Variants in XRCC6 observed in about 807,000 individuals in gnomAD.
XRCC6 encodes X-ray repair cross complementing 6, also known as DNA repair protein Ku70.
XRCC6 carries 5 observed loss-of-function variants against 65.7 expected under a neutral mutation model. The ratio of observed to expected loss-of-function variants is 0.08; its 90% CI spans 0.04 to 0.16. The LOEUF (loss-of-function observed/expected upper bound fraction) is 0.16. XRCC6 is among the 10% of genes least tolerant of loss of function. The pLI is 1.00. For synonymous variants in XRCC6, 270 were observed against 270.6 expected, an observed-to-expected ratio of 1.00 and a Z score of 0.02; for missense variants, 447 against 738.1, an observed-to-expected ratio of 0.61 and a Z score of 4.57.
chr22:41,656,801 A>G, intron 9 of XRCC6, 102 bp from the exon 10 acceptor site: 1 of 1,539,918 alleles, frequency 6.5e-7, no homozygotes, highest in Non-Finnish European at 8.8e-7. Context: ...ACGGGGCCCC[A>G]GCCCCAGCAC....
At chr22:41,658,164 G>A (rs891488597) in intron 10 of XRCC6, 88 bp from the exon 11 acceptor site, 35 of 1,326,182 alleles carry the variant, frequency 2.6e-5, no homozygotes, top group Non-Finnish European at 2.8e-5. Context: ...GCTCACCCCG[G>A]ACCTGTAGTA....
intron 11 of XRCC6, among the ~76,000 whole-genome samples, chr22:41,659,957 A>G (rs1301879590): frequency 1.3e-5 from 2 of 152,192 alleles, no homozygotes; most frequent in Non-Finnish European, 1.5e-5. Context: ...AAGTGCTGGG[A>G]TTACAGGCAA....
At chr22:41,656,009 G>A (rs969581428) in intron 9 of XRCC6, among the ~76,000 whole-genome samples, 7 of 151,466 alleles carry the variant, frequency 4.6e-5, no homozygotes, top group African/African-American at 7.3e-5. Context: ...CAGGTGGATC[G>A]CCTGAGCCCA....
At chr22:41,642,735 A>T (rs991037029) in intron 6 of XRCC6, among the ~76,000 whole-genome samples, 9 of 152,236 alleles carry the variant, frequency 5.9e-5, no homozygotes, top group African/African-American at 9.6e-5. Context: ...ACAAAAAAAA[A>T]TAGTTACTTT....
chr22:41,637,305 G>A (rs534109001), intron 5 of XRCC6, among the ~76,000 whole-genome samples: 2 of 152,094 alleles, frequency 1.3e-5, no homozygotes, highest in South Asian at 4.2e-4. Flanking sequence ...GGCTGGTCTC[G>A]AACTCTGGAC....
chr22:41,633,496 C>G (rs1295571934), intron 3 of XRCC6, among the ~76,000 whole-genome samples: 1 of 151,954 alleles, frequency 6.6e-6, no homozygotes, highest in African/African-American at 2.4e-5. Context: ...CCTGCCTCAG[C>G]CTCCTGAGTA....
At chr22:41,640,522 C>T (rs1279989082) in intron 6 of XRCC6, among the ~76,000 whole-genome samples, 4 of 152,164 alleles carry the variant, frequency 2.6e-5, no homozygotes, top group Non-Finnish European at 5.9e-5. Flanking sequence ...TGGCCTCAAA[C>T]GTTCCTCCTC....
At chr22:41,651,630 C>T (rs138286004) in intron 8 of XRCC6, among the ~76,000 whole-genome samples, 80 of 151,046 alleles carry the variant, frequency 5.3e-4, no homozygotes, top group East Asian at 5.3e-3. Flanking sequence ...CTGGTTCAAA[C>T]GATTCTCCTT....
intron 2 of XRCC6, among the ~76,000 whole-genome samples, chr22:41,623,975 G>A (rs2067640538): frequency 6.6e-6 from 1 of 150,736 alleles, no homozygotes; most frequent in East Asian, 2.0e-4. Context: ...CACCCACCTC[G>A]GCCTCCCAAA....
chr22:41,653,514 C>A lies in XRCC6; in HGVS notation c.1130-15C>A. 6.4e-7 allele frequency: 1 copy of A among 1,559,132 alleles called. No individual in the cohort carries two copies. Among genetic ancestry groups the A allele is most frequent in the South Asian group, 1.2e-5 (1 of 83,804 alleles). On this transcript the variant is annotated splice_polypyrimidine_tract_variant and intron_variant, in intron 8 of 12. Transcript: ENST00000360079. ...CCTTTTTAGGAGGCTAGTCACTGGG[C>A]TTTTTGTTTTCTAGGGAGCTCAACC...
intron 6 of XRCC6, among the ~76,000 whole-genome samples, chr22:41,646,011 AAC>A (rs1393191447): frequency 6.6e-6 from 1 of 151,882 alleles, no homozygotes; most frequent in Non-Finnish European, 1.5e-5. Flanking sequence ...ATCCTAGAAA[AAC>A]AGAGACAAGG....
At chr22:41,661,266 G>A in intron 11 of XRCC6, 65 bp from the exon 12 acceptor site, 2 of 1,410,922 alleles carry the variant, frequency 1.4e-6, no homozygotes, top group Admixed American at 3.7e-5. Flanking sequence ...AGAGAGTTCT[G>A]GAAGTGGACA....
intron 7 of XRCC6, 72 bp downstream of exon 7, chr22:41,647,154 A>G: frequency 6.6e-7 from 1 of 1,525,432 alleles, no homozygotes; most frequent in Non-Finnish European, 9.0e-7. Flanking sequence ...GCTGGAGTGC[A>G]GTGGGGCGAA....
chr22:41,629,652 G>GTATTTATT (rs28741119), intron 3 of XRCC6, among the ~76,000 whole-genome samples: 1 of 151,886 alleles, frequency 6.6e-6, no homozygotes, highest in African/African-American at 2.4e-5. Flanking sequence ...GTTTGTGTGT[G>GTATTTATT]TATTTATTTA....
chr22:41,639,329 CTTTT>C (rs386395480), intron 6 of XRCC6, among the ~76,000 whole-genome samples: 106 of 64,570 alleles, frequency 1.6e-3, no homozygotes, highest in African/African-American at 4.7e-3. Flanking sequence ...GATTCTTTTT[CTTTT>C]TTTTTTTTTT....
At chr22:41,637,959 A>G (rs2067827236) in intron 6 of XRCC6, among the ~76,000 whole-genome samples, 168 bp downstream of exon 6, 1 of 57,332 alleles carries the variant, frequency 1.7e-5, no homozygotes, top group South Asian at 4.6e-4. Context: ...CCCTCTCTCT[A>G]CCTAAAAAAA....
intron 6 of XRCC6, among the ~76,000 whole-genome samples, chr22:41,638,996 C>T (rs186270920): frequency 1.1e-4 from 16 of 152,080 alleles, no homozygotes; most frequent in Admixed American, 7.2e-4. Flanking sequence ...ATGCCTTGTG[C>T]GACAAACTTA....
At chr22:41,647,943 CCAGT>C (rs1286541265) in intron 7 of XRCC6, 1 of 151,160 alleles carries the variant, frequency 6.6e-6, no homozygotes, top group African/African-American at 2.4e-5. Context: ...ATCAGGCTGA[CCAGT>C]TAAATAACTT....
intron 2 of XRCC6, among the ~76,000 whole-genome samples, chr22:41,623,611 TCTC>T (rs1435867965): frequency 2.0e-5 from 3 of 152,184 alleles, no homozygotes; most frequent in East Asian, 1.9e-4. Context: ...ATGGTCTTGA[TCTC>T]CTGACCTTGT....
Sources: allele counts gnomAD v4.1 joint callset (sites outside exome capture counted in the v4.1 genomes callset), GRCh38; gene constraint gnomAD v4.1.1; transcripts MANE v1.5; gene names NCBI Gene and HGNC (gene_info 2026-07-23, HGNC 2026-07-21).